The following CEP290 variants were observed in gnomAD, a reference collection of about 807,000 sequenced individuals.
CEP290 encodes the protein centrosomal protein 290, also known as centrosomal protein of 290 kDa.
A neutral mutation model predicts 344.9 loss-of-function variants in CEP290; 317 were observed. The ratio of observed to expected loss-of-function variants is 0.92; its 90% confidence interval spans 0.84 to 1.01. The LOEUF (loss-of-function observed/expected upper bound fraction) is 1.01. CEP290 is among the 50% of genes least tolerant of loss of function. The pLI, the probability that CEP290 is intolerant of heterozygous loss-of-function variation, is 0.00. For missense variants in CEP290, 2,754 were observed against 2,761.4 expected (o/e 1.00, Z 0.06); for synonymous variants, 932 against 895.8 (o/e 1.04, Z -0.72).
chr12:88,120,945 G>C, intron 14 of CEP290, 52 bp downstream of exon 14: 1 of 1,496,540 alleles, frequency 6.7e-7, no homozygotes, highest in Non-Finnish European at 9.1e-7. Flanking sequence ...AATAGTCTGT[G>C]AATGGCAAGA....
chr12:88,067,893 C>T (rs1010461122), intron 44 of CEP290, among the ~76,000 whole-genome samples: 8 of 152,258 alleles, frequency 5.3e-5, no homozygotes, highest in Non-Finnish European at 1.2e-4. Context: ...TCATCTTTGG[C>T]ACCTAGTCTT....
At chr12:88,071,639 A>T in intron 42 of CEP290, 142 bp downstream of exon 42, 1 of 855,700 alleles carries the variant, frequency 1.2e-6, no homozygotes, top group Non-Finnish European at 1.7e-6. Context: ...TAAAGAAAAT[A>T]AAAAGTAAGT....
intron 41 of CEP290, among the ~76,000 whole-genome samples, chr12:88,073,368 C>G (rs574783335): frequency 6.6e-6 from 1 of 152,310 alleles, no homozygotes; most frequent in East Asian, 1.9e-4. Flanking sequence ...GCTTTGAACT[C>G]ACATTAATGA....
rs1327169453 is a variant in CEP290 at position 88,064,044 on chromosome 12, T to A, written c.6207A>T (p.Ser2069=). ...GAAATTTCAGTTCAATATTTTCAGA[T>A]GACAACTTCAAGTTTTCCTTCTGAA... ...QELQKENLKL[S]SENIELKFQL... is the part of the protein sequence containing the mutation. The change falls in exon 45 of 54, where the codon TCA becomes TCT. Residue 2069 remains serine, a synonymous_variant. Coordinates refer to ENST00000552810, the MANE Select transcript of CEP290 (RefSeq NM_025114.4). 6.3e-7 allele frequency: 1 copy of A among 1,595,408 alleles called. No individual in the cohort carries two copies. Among genetic ancestry groups the A allele is most frequent in the East Asian group, 2.3e-5 (1 of 44,418 alleles).
At chr12:88,124,418 C>T (rs1004278741) in intron 13 of CEP290, among the ~76,000 whole-genome samples, 13 of 152,098 alleles carry the variant, frequency 8.5e-5, no homozygotes, top group African/African-American at 3.1e-4. Context: ...CAATTATCTC[C>T]TGAGCAAGGC....
In CEP290 at chr12:88,141,279, A is replaced by C; in HGVS notation, c.29T>G (p.Ile10Arg). 6.2e-7 allele frequency: 1 copy of C among 1,610,942 alleles called. No homozygotes were observed. Among genetic ancestry groups the C allele is most frequent in the Non-Finnish European group, 8.5e-7 (1 of 1,178,930 alleles). The stretch of plus-strand genomic sequence containing the variant: ...CAGGTCATCTGGGTCAACTTTCATT[A>C]TTTCTTTCCAGTTTATATTAGGTGG... Reference protein sequence around the residue: MPPNINWKEIMKVDPDDLPR... With the variant: MPPNINWKERMKVDPDDLPR... The change falls in exon 2 of 54, where the codon ATA becomes AGA. Residue 10 changes from isoleucine (I) to arginine (R), a missense_variant. By Grantham distance (97) the Ile-to-Arg change is moderately conservative (BLOSUM62 -3). Transcript: ENST00000552810.
At chr12:88,093,254 T>A (rs2037179958) in intron 28 of CEP290, among the ~76,000 whole-genome samples, 1 of 152,128 alleles carries the variant, frequency 6.6e-6, no homozygotes, top group African/African-American at 2.4e-5. Flanking sequence ...ATATATTAAA[T>A]CTCAAGGTAA....
chr12:88,107,905 GAA>G (rs551623504), intron 23 of CEP290, among the ~76,000 whole-genome samples: 3 of 128,092 alleles, frequency 2.3e-5, no homozygotes, highest in Non-Finnish European at 3.4e-5. Flanking sequence ...CTGTCTCAAG[GAA>G]AAAAAAAAAA....
rs1323928396 is a variant in CEP290, at chr12:88,053,739, T to C, written c.7042A>G (p.Asn2348Asp). The change falls in exon 52 of 54, where the codon AAT becomes GAT. Residue 2348 changes from asparagine to aspartate, a missense_variant. Asn to Asp is a conservative substitution (Grantham distance 23). Transcript: ENST00000552810. Reference sequence around the variant, plus strand: ...GCTTTCTCTTTATCCAGCTGATGATTAGCTAATCTAGAACACAATGATAAT... The same window carrying C: ...GCTTTCTCTTTATCCAGCTGATGATCAGCTAATCTAGAACACAATGATAAT... ...KRELQVLRLA[N>D]HQLDKEKAEL... 1.3e-6 allele frequency: 2 copies of C among 1,498,360 alleles called. No homozygotes were observed. Among genetic ancestry groups the C allele is most frequent in the Non-Finnish European group, 1.8e-6 (2 of 1,105,264 alleles). 92.8% of individuals were successfully genotyped at this position (1,498,360 alleles called of 1,614,324 possible). A position where few individuals can be genotyped will look rare whatever the true frequency, so the allele number is the denominator to read the frequency against.
rs760934388 is a variant in CEP290, at chr12:88,093,822, G to A, written c.3257C>T (p.Ser1086Leu). Residue 1086 changes from serine to leucine, a missense_variant, in exon 28 of 54, where the codon TCG becomes TTG. Physicochemically the swap from Ser to Leu is moderately radical, Grantham distance 145. Transcript: ENST00000552810. Reference sequence around the variant, plus strand: ...ATTACGTTCCTCCATTTGCTTTAACGAAGTCCGTAAGTGTTCATACATTTT... The same window carrying A: ...ATTACGTTCCTCCATTTGCTTTAACAAAGTCCGTAAGTGTTCATACATTTT... ...CQKMYEHLRT[S>L]LKQMEERNFE... is the part of the protein sequence containing the mutation. 4.3e-6 allele frequency: 7 copies of A among 1,612,388 alleles called. No individual in the cohort carries two copies. The highest frequency in any genetic ancestry group is 4.5e-5 in the East Asian group (2 of 44,818).
chr12:88,083,790 T>C, intron 36 of CEP290, 57 bp downstream of exon 36: 1 of 1,145,512 alleles, frequency 8.7e-7, no homozygotes, highest in South Asian at 1.5e-5. Context: ...AGCTGAATTT[T>C]AATTTACATG....
intron 2 of CEP290, 24 bp downstream of exon 2, chr12:88,141,182 T>C (rs2040634966): frequency 6.7e-7 from 1 of 1,485,134 alleles, no homozygotes; most frequent in East Asian, 2.3e-5. Context: ...TGTATATATC[T>C]ATTATTATTG....
chr12:88,120,350 T>A, intron 14 of CEP290, 74 bp from the exon 15 acceptor site: 1 of 755,548 alleles, frequency 1.3e-6, no homozygotes, highest in Non-Finnish European at 1.9e-6. Context: ...ATGATTTTTT[T>A]TTTACTAAGT....
chr12:88,140,546 T>C (rs1441493951), intron 3 of CEP290, among the ~76,000 whole-genome samples: 2 of 152,224 alleles, frequency 1.3e-5, no homozygotes, highest in Non-Finnish European at 2.9e-5. Flanking sequence ...CCAACAGCTC[T>C]AGAATTCCCT....
chr12:88,096,766 A>T (rs967848168), intron 27 of CEP290, 122 bp downstream of exon 27: 23 of 570,010 alleles, frequency 4.0e-5, no homozygotes, highest in Non-Finnish European at 5.9e-5. Context: ...ATTAGGCAGA[A>T]AGTTCTTTCT....
At chr12:88,120,716 A>T (rs1208170398) in intron 14 of CEP290, among the ~76,000 whole-genome samples, 2 of 152,204 alleles carry the variant, frequency 1.3e-5, no homozygotes, top group African/African-American at 2.4e-5. Flanking sequence ...TCACATCTAC[A>T]TGGTGGCCCA....
chr12:88,124,090 T>A (rs1230603215), intron 13 of CEP290, among the ~76,000 whole-genome samples: 1 of 152,102 alleles, frequency 6.6e-6, no homozygotes. Context: ...CTGATTCTTA[T>A]TTACCACTCC....
chr12:88,087,729 A>AG, intron 32 of CEP290, 51 bp downstream of exon 32: 1 of 746,028 alleles, frequency 1.3e-6, no homozygotes, highest in African/African-American at 1.9e-5. Context: ...CAAAAAAAAA[A>AG]AAAAAAAAAA....
At chr12:88,072,577 C>T (rs1252127133) in intron 41 of CEP290, among the ~76,000 whole-genome samples, 1 of 152,152 alleles carries the variant, frequency 6.6e-6, no homozygotes, top group Non-Finnish European at 1.5e-5. Flanking sequence ...GATTCTAATA[C>T]AATCATGACT....
Sources: allele counts gnomAD v4.1 joint callset (sites outside exome capture counted in the v4.1 genomes callset), GRCh38; gene constraint gnomAD v4.1.1; transcripts MANE v1.5; gene names NCBI Gene and HGNC (gene_info 2026-07-23, HGNC 2026-07-21).